The following RABL3 variants were observed in gnomAD, a reference collection of about 807,000 sequenced individuals.
RABL3 encodes RAB, member of RAS oncogene family like 3.
Under a neutral mutation model 31.8 loss-of-function variants are expected in RABL3, and 31 were observed. The observed-to-expected ratio is 0.97, with a 90% CI of 0.73 to 1.31. RABL3 has a LOEUF of 1.31. Among genes scored for constraint, RABL3 ranks in the 40% most tolerant of loss-of-function variants. RABL3 has a pLI of 0.00. For synonymous variants in RABL3, 97 were observed against 99.9 expected, an observed-to-expected ratio of 0.97 and a Z score of 0.18; for missense variants, 263 against 279.6, an observed-to-expected ratio of 0.94 and a Z score of 0.42.
chr3:120,713,364 A>G (rs1350078168), intron 2 of RABL3, among the ~76,000 whole-genome samples: 1 of 152,216 alleles, frequency 6.6e-6, no homozygotes, highest in African/African-American at 2.4e-5. Flanking sequence ...GAATCCCAAC[A>G]ATTTTAAATC....
chr3:120,715,727 T>C (rs1407112176), intron 2 of RABL3, among the ~76,000 whole-genome samples: 1 of 152,022 alleles, frequency 6.6e-6, no homozygotes, highest in Non-Finnish European at 1.5e-5. Flanking sequence ...TATTGAACAG[T>C]ATCAGATTTT....
intron 2 of RABL3, among the ~76,000 whole-genome samples, chr3:120,725,989 A>AC (rs1187827652): frequency 1.3e-5 from 2 of 152,142 alleles, no homozygotes; most frequent in African/African-American, 4.8e-5. Flanking sequence ...AAATTTTTTA[A>AC]CATTTTTTTA....
chr3:120,724,845 C>A (rs1324213591), intron 2 of RABL3, among the ~76,000 whole-genome samples: 1 of 151,946 alleles, frequency 6.6e-6, no homozygotes, highest in African/African-American at 2.4e-5. Flanking sequence ...ACCATAAAAA[C>A]CCTAGAAGAA....
chr3:120,705,726 G>A (rs1377471429), intron 4 of RABL3, among the ~76,000 whole-genome samples: 2 of 152,036 alleles, frequency 1.3e-5, no homozygotes, highest in African/African-American at 4.8e-5. Flanking sequence ...AAAATCTGTA[G>A]AGGAAAACAT....
intron 1 of RABL3, 79 bp downstream of exon 1, chr3:120,742,383 T>G: frequency 7.3e-7 from 1 of 1,367,460 alleles, no homozygotes; most frequent in Non-Finnish European, 1.0e-6. Flanking sequence ...GCCAGGAAGT[T>G]GAGGGAAGGA....
At chr3:120,693,904 G>C (rs999492660) in intron 6 of RABL3, among the ~76,000 whole-genome samples, 7 of 152,120 alleles carry the variant, frequency 4.6e-5, no homozygotes, top group African/African-American at 1.7e-4. Context: ...AGAGGAATTA[G>C]ATATCTTTTT....
chr3:120,705,044 C>T (rs1333658268), intron 4 of RABL3, among the ~76,000 whole-genome samples: 1 of 151,414 alleles, frequency 6.6e-6, no homozygotes, highest in East Asian at 1.9e-4. Context: ...CAAAACAAAA[C>T]AAAAAAACAA....
chr3:120,738,135 G>A (rs1434146193), intron 1 of RABL3, among the ~76,000 whole-genome samples: 1 of 152,252 alleles, frequency 6.6e-6, no homozygotes, highest in South Asian at 2.1e-4. Context: ...AGGCCTCCTT[G>A]AGCTGCGGTG....
chr3:120,726,215 G>A (rs1708818804), intron 2 of RABL3, among the ~76,000 whole-genome samples: 1 of 152,108 alleles, frequency 6.6e-6, no homozygotes, highest in African/African-American at 2.4e-5. Context: ...GCTTGCCCAA[G>A]GTAAGGTGCA....
At chr3:120,698,396 C>T (rs769398616) in intron 5 of RABL3, 27 bp downstream of exon 5, 3 of 1,592,462 alleles carry the variant, frequency 1.9e-6, no homozygotes, top group South Asian at 1.1e-5. Flanking sequence ...GATAATAATA[C>T]AAGCATGCAT....
chr3:120,704,097 T>C (rs1024632346), intron 4 of RABL3, among the ~76,000 whole-genome samples: 1 of 152,172 alleles, frequency 6.6e-6, no homozygotes, highest in Admixed American at 6.5e-5. Flanking sequence ...TCAAAGACAT[T>C]ATGAGAACAG....
At chr3:120,724,087 C>G (rs1175325685) in intron 2 of RABL3, among the ~76,000 whole-genome samples, 1 of 152,192 alleles carries the variant, frequency 6.6e-6, no homozygotes, top group East Asian at 1.9e-4. Context: ...AGCTGATAAG[C>G]TACTTCAGCA....
At chr3:120,720,989 G>C (rs1434961765) in intron 2 of RABL3, among the ~76,000 whole-genome samples, 2 of 151,172 alleles carry the variant, frequency 1.3e-5, no homozygotes, top group Admixed American at 6.6e-5. Flanking sequence ...CTGATCTCTT[G>C]GCAGAAACTC....
intron 2 of RABL3, among the ~76,000 whole-genome samples, chr3:120,726,401 G>A (rs1559821411): frequency 1.3e-5 from 2 of 152,108 alleles, no homozygotes; most frequent in African/African-American, 4.8e-5. Flanking sequence ...AAGGTTGCAG[G>A]ATTGCTTGAG....
chr3:120,735,027 A>C (rs1271395638), intron 1 of RABL3, among the ~76,000 whole-genome samples: 1 of 152,196 alleles, frequency 6.6e-6, no homozygotes, highest in African/African-American at 2.4e-5. Flanking sequence ...TGTCTCTGCC[A>C]GGCTTTGGTA....
intron 1 of RABL3, among the ~76,000 whole-genome samples, chr3:120,738,951 T>C (rs1709006818): frequency 1.3e-5 from 2 of 152,322 alleles, no homozygotes; most frequent in South Asian, 2.1e-4. Context: ...TTTAAAGTTC[T>C]TGATATGCAT....
intron 4 of RABL3, among the ~76,000 whole-genome samples, chr3:120,703,883 C>T (rs1475475919): frequency 6.6e-6 from 1 of 152,052 alleles, no homozygotes; most frequent in Non-Finnish European, 1.5e-5. Context: ...CTTGAACAAT[C>T]CTAATTACTA....
At position 120,686,835 on chromosome 3, in the gene RABL3, G is replaced by A. The variant is rs1158507905; in HGVS notation, c.*2988C>T. The A allele has an allele frequency of 6.6e-6, 1 of 152,152 alleles. No individual in the cohort carries two copies. Among genetic ancestry groups the A allele is most frequent in the Non-Finnish European group, 1.5e-5 (1 of 68,038 alleles). The allele number at this position is 152,152 out of a possible 1,614,324, so 9.4% of individuals were successfully genotyped here. ...GAGGACAAAAGGACATAATCTAATG[G>A]TAATAAACTGTGGAGAACTTAGCAA... On this transcript the variant is annotated 3_prime_UTR_variant, in exon 8 of 8. Coordinates refer to ENST00000273375, the MANE Select transcript of RABL3 (RefSeq NM_173825.5).
intron 3 of RABL3, among the ~76,000 whole-genome samples, chr3:120,707,896 GT>G (rs1480139954): frequency 1.3e-5 from 2 of 152,068 alleles, no homozygotes; most frequent in Admixed American, 6.6e-5. Flanking sequence ...AAGAATCAAG[GT>G]GGGGCTGAGA....
Sources: allele counts gnomAD v4.1 joint callset (sites outside exome capture counted in the v4.1 genomes callset), GRCh38; gene constraint gnomAD v4.1.1; transcripts MANE v1.5; gene names NCBI Gene and HGNC (gene_info 2026-07-23, HGNC 2026-07-21).